SEZ6L: variants seen among roughly 807,000 people sequenced by gnomAD.
SEZ6L encodes seizure related 6 homolog like.
In SEZ6L, 37 loss-of-function variants were observed where a neutral mutation model predicts 106.2. That is an observed-to-expected ratio of 0.35 (90% CI 0.27 to 0.46). SEZ6L has a LOEUF of 0.46. Among genes scored for constraint, SEZ6L ranks in the 20% least tolerant of loss-of-function variants. The pLI is 1.00. For missense variants in SEZ6L, 1,172 were observed against 1,332.8 expected (o/e 0.88, Z 1.88); for synonymous variants, 541 against 570.4 (o/e 0.95, Z 0.73).
In SEZ6L at chr22:26,293,056, G is replaced by A. The variant is rs2081188893; in HGVS notation, c.745G>A (p.Glu249Lys). The change falls in exon 2 of 17, where the codon GAG (glutamate) becomes AAG (lysine). Residue 249 changes from glutamate (E) to lysine (K), a missense_variant. Glu to Lys is a moderately conservative substitution (Grantham distance 56). Around this residue, in one of 4 missense-constraint regions of SEZ6L, gnomAD observed 494 missense variants for 445.8 expected, o/e 1.11. Coordinates refer to ENST00000248933, the MANE Select transcript of SEZ6L (RefSeq NM_021115.5). Reference protein sequence around the residue: ...PMALMDKGENELTGSASEESQ... With the variant: ...PMALMDKGENKLTGSASEESQ... ...GGCCCTGATGGACAAAGGTGAGAAT[G>A]AGCTGACTGGGTCAGCCTCAGAGGA... is the stretch of plus-strand genomic sequence containing the variant. The A allele has an allele frequency of 6.2e-7, 1 of 1,613,854 alleles. No individual in the cohort carries two copies. Among genetic ancestry groups the A allele is most frequent in the Non-Finnish European group, 8.5e-7 (1 of 1,179,996 alleles).
At chr22:26,237,318 A>G (rs1442616352) in intron 1 of SEZ6L, among the ~76,000 whole-genome samples, 1 of 152,252 alleles carries the variant, frequency 6.6e-6, no homozygotes, top group African/African-American at 2.4e-5. Flanking sequence ...AGCAGGGACC[A>G]GGTCTTTTGC....
intron 3 of SEZ6L, among the ~76,000 whole-genome samples, chr22:26,294,683 A>ATC (rs1569449793): frequency 6.6e-6 from 1 of 150,828 alleles, no homozygotes; most frequent in African/African-American, 2.4e-5. Flanking sequence ...TACTCTGCTT[A>ATC]TCTCACACAC....
intron 3 of SEZ6L, among the ~76,000 whole-genome samples, chr22:26,294,884 T>G (rs867702272): frequency 7.3e-6 from 1 of 137,754 alleles, no homozygotes; most frequent in African/African-American, 3.1e-5. Flanking sequence ...TTTCTTTCTT[T>G]CTTTCTTGCT....
At chr22:26,334,991 A>G (rs79313937) in intron 9 of SEZ6L, among the ~76,000 whole-genome samples, 1 of 152,184 alleles carries the variant, frequency 6.6e-6, no homozygotes, top group African/African-American at 2.4e-5. Context: ...TCTAGCTGAC[A>G]TCTCAATTCA....
chr22:26,219,470 G>C (rs561445251), intron 1 of SEZ6L, among the ~76,000 whole-genome samples: 1 of 152,094 alleles, frequency 6.6e-6, no homozygotes, highest in African/African-American at 2.4e-5. Flanking sequence ...TATAGTGCTT[G>C]CTTCTTTATT....
chr22:26,320,111 C>T (rs994816974), intron 9 of SEZ6L, among the ~76,000 whole-genome samples: 3 of 151,972 alleles, frequency 2.0e-5, no homozygotes, highest in African/African-American at 7.3e-5. Flanking sequence ...AGGAGGTCTC[C>T]CCAAGAGAAT....
intron 1 of SEZ6L, among the ~76,000 whole-genome samples, chr22:26,240,084 ACACACACT>A (rs879613138): frequency 0.056 from 7,603 of 136,224 alleles, 219 homozygotes; most frequent in East Asian, 0.14. Context: ...ACACACACAC[ACACACACT>A]CACACACACA....
chr22:26,310,487 G>C (rs897743213), intron 6 of SEZ6L, among the ~76,000 whole-genome samples, 183 bp from the exon 7 acceptor site: 7 of 152,154 alleles, frequency 4.6e-5, no homozygotes, highest in African/African-American at 1.4e-4. Context: ...AGTGAGCCAA[G>C]ATCGCACCAT....
At chr22:26,343,500 T>C (rs929008396) in intron 10 of SEZ6L, among the ~76,000 whole-genome samples, 4 of 152,216 alleles carry the variant, frequency 2.6e-5, no homozygotes, top group Admixed American at 6.5e-5. Flanking sequence ...TTAACATATA[T>C]TATTTTATTT....
At chr22:26,239,746 C>T (rs562403970) in intron 1 of SEZ6L, among the ~76,000 whole-genome samples, 9 of 152,116 alleles carry the variant, frequency 5.9e-5, no homozygotes, top group East Asian at 3.9e-4. Context: ...CTCACAGAGC[C>T]GCTGAGGTTG....
chr22:26,363,841 A>C (rs555138589), intron 12 of SEZ6L, among the ~76,000 whole-genome samples: 28 of 152,318 alleles, frequency 1.8e-4, no homozygotes, highest in African/African-American at 6.5e-4. Context: ...AAAAGGAAGA[A>C]AATTTTTGAC....
At chr22:26,272,583 TG>T (rs1010314464) in intron 1 of SEZ6L, among the ~76,000 whole-genome samples, 4 of 152,070 alleles carry the variant, frequency 2.6e-5, no homozygotes, top group African/African-American at 9.7e-5. Context: ...CTCAGAAAGG[TG>T]GGGGTGCCTT....
intron 12 of SEZ6L, among the ~76,000 whole-genome samples, chr22:26,352,741 G>A (rs532089029): frequency 5.6e-4 from 86 of 152,306 alleles, no homozygotes; most frequent in African/African-American, 2.0e-3. Flanking sequence ...TAAGAATGGC[G>A]CATGCATTAA....
intron 10 of SEZ6L, 133 bp from the exon 11 acceptor site, chr22:26,347,586 A>C: frequency 1.5e-6 from 1 of 655,922 alleles, no homozygotes; most frequent in Non-Finnish European, 2.4e-6. Flanking sequence ...TTGCCAGTTA[A>C]GCGATTTTGG....
At chr22:26,193,966 A>G (rs552968023) in intron 1 of SEZ6L, among the ~76,000 whole-genome samples, 1 of 152,184 alleles carries the variant, frequency 6.6e-6, no homozygotes, top group Non-Finnish European at 1.5e-5. Flanking sequence ...CAATTTTGAC[A>G]AAGAGCAATG....
intron 10 of SEZ6L, among the ~76,000 whole-genome samples, chr22:26,344,939 A>G (rs1427061153): frequency 1.3e-5 from 2 of 152,246 alleles, no homozygotes; most frequent in African/African-American, 4.8e-5. Context: ...GAAGTCTTCC[A>G]ACTCCTAGGA....
chr22:26,309,927 G>A (rs2081763387), intron 6 of SEZ6L, among the ~76,000 whole-genome samples: 1 of 152,038 alleles, frequency 6.6e-6, no homozygotes, highest in African/African-American at 2.4e-5. Context: ...GAAAACAGAG[G>A]CTCAGAGAAG....
intron 1 of SEZ6L, among the ~76,000 whole-genome samples, chr22:26,277,958 A>G (rs1468766437): frequency 6.6e-6 from 1 of 152,258 alleles, no homozygotes; most frequent in African/African-American, 2.4e-5. Flanking sequence ...AGTAACGATA[A>G]TAGCCTATGA....
intron 1 of SEZ6L, among the ~76,000 whole-genome samples, chr22:26,213,708 G>T (rs1233940699): frequency 6.6e-6 from 1 of 152,192 alleles, no homozygotes; most frequent in Non-Finnish European, 1.5e-5. Flanking sequence ...GCAGGAAGAT[G>T]GCTTGAGACC....
Sources: allele counts gnomAD v4.1 joint callset (sites outside exome capture counted in the v4.1 genomes callset), GRCh38; gene constraint gnomAD v4.1.1; regional missense constraint gnomAD v4.1.1; transcripts MANE v1.5; gene names NCBI Gene and HGNC (gene_info 2026-07-23, HGNC 2026-07-21).